The following MLYCD variants were observed in gnomAD, a reference collection of about 807,000 sequenced individuals.
The protein encoded by MLYCD is malonyl-CoA decarboxylase.
Under a neutral mutation model 35.8 loss-of-function variants are expected in MLYCD, and 27 were observed. That is an observed-to-expected ratio of 0.75 (90% confidence interval 0.56 to 1.04). The LOEUF is 1.04. Among genes scored for constraint, MLYCD ranks in the 50% least tolerant of loss-of-function variants. The pLI is 0.00. For synonymous variants in MLYCD, 403 were observed against 302.4 expected (o/e 1.33, Z -3.45); for missense variants, 917 against 665.1 (o/e 1.38, Z -4.17).
Position 83,914,943 on chromosome 16 carries a change from C to G in MLYCD, c.949-13C>G, listed in dbSNP as rs766777337. ...TTCTCCGCCTTCCTTTCCACCCCAACCATGCTTTACAGAGAGAGTTTCCTC... is the reference window on the plus strand; with the variant it reads ...TTCTCCGCCTTCCTTTCCACCCCAAGCATGCTTTACAGAGAGAGTTTCCTC... On this transcript the variant is annotated splice_polypyrimidine_tract_variant and intron_variant, in intron 4 of 4. Transcript: ENST00000262430. 1.2e-6 allele frequency: 2 copies of G among 1,614,244 alleles called. No individual in the cohort carries two copies. Among genetic ancestry groups the G allele is most frequent in the East Asian group, 2.2e-5 (1 of 44,892 alleles).
intron 1 of MLYCD, among the ~76,000 whole-genome samples, chr16:83,902,300 G>A (rs1023395466): frequency 6.7e-6 from 1 of 149,132 alleles, no homozygotes; most frequent in Non-Finnish European, 1.5e-5. Flanking sequence ...CTGGCCTCAA[G>A]CAAGCAATCC....
chr16:83,920,913 G>T lies in MLYCD; in HGVS notation c.*5424G>T, dbSNP rs1907631004. On this transcript the variant is annotated 3_prime_UTR_variant, in exon 5 of 5. Transcript: ENST00000262430. ...TGGAAGGAAGGAAGATGGATGGATG[G>T]ATGGATGGATGGATGGATGGATGGA... is the stretch of plus-strand genomic sequence containing the variant. The T allele has an allele frequency of 8.2e-6, 1 of 121,720 alleles. No individual in the cohort carries two copies. The highest frequency in any genetic ancestry group is 3.0e-5 in the African/African-American group (1 of 32,924). 7.5% of individuals were successfully genotyped at this position (121,720 alleles called of 1,614,324 possible). A position where few individuals can be genotyped will look rare whatever the true frequency, so the allele number is the denominator to read the frequency against.
intron 3 of MLYCD, chr16:83,911,622 G>C (rs1366773676): frequency 6.4e-6 from 1 of 156,622 alleles, no homozygotes; most frequent in Non-Finnish European, 1.4e-5. Flanking sequence ...GCCTCGCAGG[G>C]ATGTCTGCAA....
Position 83,915,103 on chromosome 16 carries a change from A to AT in MLYCD, c.1097dup (p.Thr367HisfsTer6). On this transcript the variant is annotated frameshift_variant, in exon 5 of 5. Transcript: ENST00000262430. LOFTEE classifies it high-confidence loss of function. The stretch of plus-strand genomic sequence containing the variant: ...TTCGGAATGTAAGGAAATCTCGGAG[A>AT]TCACAGGTGGCCCCATTAACGAGAC... 27 of 1,614,252 alleles carry AT rather than the reference A, an allele frequency of 1.7e-5. No homozygotes were observed. The highest frequency in any genetic ancestry group is 2.2e-5 in the Non-Finnish European group (26 of 1,180,050).
At chr16:83,899,748 A>C in intron 1 of MLYCD, 76 bp downstream of exon 1, 1 of 1,410,748 alleles carries the variant, frequency 7.1e-7, no homozygotes, top group Non-Finnish European at 9.3e-7. Context: ...GCCCCCTCCA[A>C]GTCCCACACA....
rs747185678 is a variant in MLYCD at position 83,919,683 on chromosome 16, C to G, written c.*4194C>G. On this transcript the variant is annotated 3_prime_UTR_variant, in exon 5 of 5. Transcript: ENST00000262430. ...TCAGAACACGGTTCACAGGAGAACA[C>G]ACAGTGCACAGAACACACGGGGCAC... The G allele has an allele frequency of 6.7e-6, 1 of 148,804 alleles. No homozygotes were observed. The highest frequency in any genetic ancestry group is 2.5e-5 in the African/African-American group (1 of 39,390). The allele number at this position is 148,804 out of a possible 1,614,324, so 9.2% of individuals were successfully genotyped here.
Position 83,923,134 on chromosome 16 carries a change from C to T in MLYCD, c.*7645C>T, listed in dbSNP as rs957743540. On this transcript the variant is annotated 3_prime_UTR_variant, in exon 5 of 5. Transcript: ENST00000262430. ...CCTCTGAGGGCTTGACCTTCACTGA[C>T]CTCCAGGGCAAGAACAACCAAGAGT... 1 of 152,280 alleles carries T rather than the reference C, an allele frequency of 6.6e-6. No individual in the cohort carries two copies. The highest frequency in any genetic ancestry group is 1.5e-5 in the Non-Finnish European group (1 of 68,066). 9.4% of individuals were successfully genotyped at this position (152,280 alleles called of 1,614,324 possible).
chr16:83,917,731 T>A lies in MLYCD; in HGVS notation c.*2242T>A, dbSNP rs1907472637. Reference sequence around the variant, plus strand: ...AGGCCTGCGGAAACCTGCTGGGCCTTACCGTCTTTGCTTAGCTTTTGGCCT... The same window carrying A: ...AGGCCTGCGGAAACCTGCTGGGCCTAACCGTCTTTGCTTAGCTTTTGGCCT... On this transcript the variant is annotated 3_prime_UTR_variant, in exon 5 of 5. Coordinates refer to ENST00000262430, the MANE Select transcript of MLYCD (RefSeq NM_012213.3). 1 of 152,266 alleles carries A rather than the reference T, an allele frequency of 6.6e-6. No homozygotes were observed. 9.4% of individuals were successfully genotyped at this position (152,266 alleles called of 1,614,324 possible). A position where few individuals can be genotyped will look rare whatever the true frequency, so the allele number is the denominator to read the frequency against.
chr16:83,916,215 A>G lies in MLYCD; in HGVS notation c.*726A>G, dbSNP rs1271802230. The stretch of plus-strand genomic sequence containing the variant: ...TTGTGTAGTGGTGGTCGTCTTTAAG[A>G]TTAGAGACCTGGGAAGGCTGGAATC... On this transcript the variant is annotated 3_prime_UTR_variant, in exon 5 of 5. Coordinates refer to ENST00000262430, the MANE Select transcript of MLYCD (RefSeq NM_012213.3). 4 of 987,672 alleles carry G rather than the reference A, an allele frequency of 4.0e-6. No individual in the cohort carries two copies. In the Admixed American group the frequency reaches 2.5e-4, roughly 61 times the overall value. 61.2% of individuals were successfully genotyped at this position (987,672 alleles called of 1,614,324 possible). A position where few individuals can be genotyped will look rare whatever the true frequency, so the allele number is the denominator to read the frequency against.
rs1247337454 is a variant in MLYCD at position 83,915,484 on chromosome 16, C to G, written c.1477C>G (p.Leu493Val). The G allele has an allele frequency of 3.7e-6, 6 of 1,611,134 alleles. No homozygotes were observed. Among genetic ancestry groups the G allele is most frequent in the Admixed American group, 3.3e-5 (2 of 60,016 alleles). ...GGCCCAGTTTCAAAAGAACAGCAAG[C>G]TCTGACAGTAAACCTCTCCTAAAGC... is the stretch of plus-strand genomic sequence containing the variant. ...LVAQFQKNSKL is the reference protein window; with the variant it reads ...LVAQFQKNSKV Residue 493 changes from leucine (L) to valine (V), a missense_variant, in exon 5 of 5, where the codon CTC becomes GTC. Coordinates refer to ENST00000262430, the MANE Select transcript of MLYCD (RefSeq NM_012213.3).
chr16:83,921,646 C>T lies in MLYCD; in HGVS notation c.*6157C>T, dbSNP rs942585050. 2 of 152,160 alleles carry T rather than the reference C, an allele frequency of 1.3e-5. No individual in the cohort carries two copies. Among genetic ancestry groups the T allele is most frequent in the Non-Finnish European group, 1.5e-5 (1 of 68,036 alleles). 9.4% of individuals were successfully genotyped at this position (152,160 alleles called of 1,614,324 possible). Reference sequence around the variant, plus strand: ...TATGATACTGCACTGAACCAATATTCCCCTCACTTCATGGGTGTTACAAAC... The same window carrying T: ...TATGATACTGCACTGAACCAATATTTCCCTCACTTCATGGGTGTTACAAAC... On this transcript the variant is annotated 3_prime_UTR_variant, in exon 5 of 5. Transcript: ENST00000262430.
Position 83,915,299 on chromosome 16 carries a change from G to C in MLYCD, c.1292G>C (p.Trp431Ser). ...NFHLQNGAVL[W>S]RINWMADVSL... Reference sequence around the variant, plus strand: ...CACCTGCAGAACGGGGCGGTGCTGTGGCGCATCAACTGGATGGCGGATGTG... The same window carrying C: ...CACCTGCAGAACGGGGCGGTGCTGTCGCGCATCAACTGGATGGCGGATGTG... Residue 431 changes from tryptophan to serine, a missense_variant, in exon 5 of 5, where the codon TGG (tryptophan) becomes TCG (serine). Physicochemically the swap from Trp to Ser is radical, Grantham distance 177. Transcript: ENST00000262430. The C allele has an allele frequency of 6.2e-7, 1 of 1,613,818 alleles. No homozygotes were observed. The highest frequency in any genetic ancestry group is 8.5e-7 in the Non-Finnish European group (1 of 1,179,764).
At chr16:83,911,465 G>A (rs1300695326) in intron 3 of MLYCD, among the ~76,000 whole-genome samples, 2 of 152,192 alleles carry the variant, frequency 1.3e-5, no homozygotes, top group African/African-American at 4.8e-5. Flanking sequence ...GTAGCCCCCT[G>A]CTGTTCCACT....
In MLYCD at chr16:83,909,975, C is replaced by T. The variant is rs1432880498; in HGVS notation, c.798+1693C>T. 2.0e-5 allele frequency among the ~76,000 whole-genome samples: 3 copies of T among 151,976 alleles called. No individual in the cohort carries two copies. The East Asian group carries it at 5.8e-4, about 29-fold the overall frequency. On this transcript the variant is annotated intron_variant, in intron 3 of 4. Coordinates refer to ENST00000262430, the MANE Select transcript of MLYCD (RefSeq NM_012213.3). Reference sequence around the variant, plus strand: ...ATGAGAAAACCGAGGCTTGAGGGAACGTCCGCAACTTACCCATGATCATCG... The same window carrying T: ...ATGAGAAAACCGAGGCTTGAGGGAATGTCCGCAACTTACCCATGATCATCG...
Position 83,902,483 on chromosome 16 carries a change from C to G in MLYCD, c.528+2811C>G, listed in dbSNP as rs141240901. 2.5e-3 allele frequency among the ~76,000 whole-genome samples: 367 copies of G among 147,490 alleles called. 1 individual carries two copies. The highest frequency in any genetic ancestry group is 8.6e-3 in the African/African-American group (346 of 40,252). ...CCAGAATCACTTAATGTGGTATGAT[C>G]TGATCTATTTTTTTAATCTGATTTT... On this transcript the variant is annotated intron_variant, in intron 1 of 4. Transcript: ENST00000262430.
chr16:83,912,848 T>C, intron 4 of MLYCD: 1 of 251,020 alleles, frequency 4.0e-6, no homozygotes, highest in Non-Finnish European at 7.9e-6. Flanking sequence ...GAGGGAGTGC[T>C]GAGGTGAGAC....
chr16:83,908,956 G>A (rs1907077524), intron 3 of MLYCD, among the ~76,000 whole-genome samples: 1 of 152,186 alleles, frequency 6.6e-6, no homozygotes, highest in African/African-American at 2.4e-5. Flanking sequence ...GGACATGAGT[G>A]GCTGTTAGGA....
intron 1 of MLYCD, among the ~76,000 whole-genome samples, chr16:83,902,173 A>G (rs1187942983): frequency 1.4e-4 from 21 of 144,992 alleles, no homozygotes; most frequent in Admixed American, 9.0e-4. Context: ...ATATATATAT[A>G]TATATATATA....
At chr16:83,909,621 T>G (rs893221831) in intron 3 of MLYCD, among the ~76,000 whole-genome samples, 1 of 99,870 alleles carries the variant, frequency 1.0e-5, no homozygotes, top group Non-Finnish European at 1.8e-5. Context: ...TGGTGTTGTG[T>G]TTTTTTTTTT....
Sources: allele counts gnomAD v4.1 joint callset (sites outside exome capture counted in the v4.1 genomes callset), GRCh38; gene constraint gnomAD v4.1.1; transcripts MANE v1.5; gene names NCBI Gene and HGNC (gene_info 2026-07-23, HGNC 2026-07-21).